SIPA1L3: variants seen among roughly 807,000 people sequenced by gnomAD.
The protein encoded by SIPA1L3 is signal-induced proliferation-associated 1-like protein 3.
SIPA1L3 carries 59 observed loss-of-function variants against 150.1 expected under a neutral mutation model. The ratio of observed to expected loss-of-function variants is 0.39; its 90% CI spans 0.32 to 0.49. The LOEUF (loss-of-function observed/expected upper bound fraction) is 0.49. Among genes scored for constraint, SIPA1L3 ranks in the 20% least tolerant of loss-of-function variants. The pLI, the probability that SIPA1L3 is intolerant of heterozygous loss-of-function variation, is 0.86. For missense variants in SIPA1L3, 2,211 were observed against 2,489.5 expected, an observed-to-expected ratio of 0.89 and a Z score of 2.38; for synonymous variants, 1,070 against 1,077.6, an observed-to-expected ratio of 0.99 and a Z score of 0.14.
At chr19:38,129,611 C>T (rs953135978) in intron 9 of SIPA1L3, among the ~76,000 whole-genome samples, 58 of 112,184 alleles carry the variant, frequency 5.2e-4, no homozygotes, top group African/African-American at 1.8e-3. Flanking sequence ...GGCGACAGAG[C>T]GAGACTCTGT....
intron 1 of SIPA1L3, among the ~76,000 whole-genome samples, chr19:38,020,110 A>G (rs1265725473): frequency 6.6e-6 from 1 of 152,072 alleles, no homozygotes; most frequent in Non-Finnish European, 1.5e-5. Flanking sequence ...CTATATATAA[A>G]TAAATAGAAT....
At chr19:38,101,278 A>C (rs1970497204) in intron 6 of SIPA1L3, 52 bp downstream of exon 6, 1 of 1,329,028 alleles carries the variant, frequency 7.5e-7, no homozygotes, top group Non-Finnish European at 9.9e-7. Flanking sequence ...ACTCCTACTC[A>C]ACAGGCAAAG....
chr19:38,009,194 C>T (rs1055880670), intron 1 of SIPA1L3, among the ~76,000 whole-genome samples: 1 of 151,846 alleles, frequency 6.6e-6, no homozygotes, highest in Non-Finnish European at 1.5e-5. Context: ...GCCACCATGC[C>T]CGGCTAATAG....
chr19:37,927,651 TG>T (rs775400516), intron 1 of SIPA1L3, among the ~76,000 whole-genome samples: 3 of 91,594 alleles, frequency 3.3e-5, no homozygotes, highest in Non-Finnish European at 6.3e-5. Context: ...AATAAGAACA[TG>T]GGGTGTGTGT....
intron 15 of SIPA1L3, among the ~76,000 whole-genome samples, chr19:38,177,197 C>T (rs1972454561): frequency 2.7e-5 from 4 of 150,942 alleles, no homozygotes; most frequent in Admixed American, 1.3e-4. Flanking sequence ...CCATCTCTAC[C>T]AAAAATAGAA....
chr19:38,189,920 G>T (rs914626494), intron 16 of SIPA1L3, among the ~76,000 whole-genome samples: 1 of 152,086 alleles, frequency 6.6e-6, no homozygotes, highest in African/African-American at 2.4e-5. Context: ...GTCGTATCTG[G>T]GATTGCCTCT....
At chr19:38,102,534 A>T (rs1970529242) in intron 6 of SIPA1L3, among the ~76,000 whole-genome samples, 1 of 140,780 alleles carries the variant, frequency 7.1e-6, no homozygotes. Context: ...AGGAAGGAGG[A>T]TTGCTTTAGG....
Position 38,193,675 on chromosome 19 carries a change from TTCCC to T in SIPA1L3, c.4736_4739del (p.Phe1579CysfsTer59). On this transcript the variant is annotated frameshift_variant, in exon 18 of 22. Transcript: ENST00000222345. LOFTEE classifies it high-confidence loss of function. ...CGTGCTCTTCACCAGCACCTGCGCC[TTCCC>T]GTCCAGCACGCTGCCTGCACGCCGC... is the stretch of plus-strand genomic sequence containing the variant. 1.9e-6 allele frequency: 3 copies of T among 1,578,898 alleles called. No individual in the cohort carries two copies. The highest frequency in any genetic ancestry group is 2.6e-6 in the Non-Finnish European group (3 of 1,170,324).
Position 38,082,938 on chromosome 19 carries a change from A to G in SIPA1L3, c.1373A>G (p.His458Arg), listed in dbSNP as rs1189163712. Residue 458 changes from histidine (H) to arginine (R), a missense_variant, in exon 3 of 22, where the codon CAC (histidine) becomes CGC (arginine). Physicochemically the swap from His to Arg is conservative, Grantham distance 29. Around this residue, in one of 5 missense-constraint regions of SIPA1L3, gnomAD observed 587 missense variants for 534.5 expected, o/e 1.10. Transcript: ENST00000222345. ...GGCTCCCCGAGCAGCGGCGAGGGCC[A>G]CCTGGCAGAGCCCGCCCTGAGCGCC... Reference protein sequence around the residue: ...SVGSPSSGEGHLAEPALSAYR... With the variant: ...SVGSPSSGEGRLAEPALSAYR... The G allele has an allele frequency of 1.7e-5, 28 of 1,612,940 alleles. No individual in the cohort carries two copies. The highest frequency in any genetic ancestry group is 2.4e-5 in the Non-Finnish European group (28 of 1,179,860).
intron 1 of SIPA1L3, among the ~76,000 whole-genome samples, chr19:37,972,293 T>A (rs935132864): frequency 2.0e-5 from 3 of 152,112 alleles, no homozygotes; most frequent in African/African-American, 7.2e-5. Flanking sequence ...TGTCTTAAAA[T>A]GTAGTTTTTG....
chr19:38,029,215 T>C (rs1208817143), intron 2 of SIPA1L3, 59 bp downstream of exon 2: 1 of 152,160 alleles, frequency 6.6e-6, no homozygotes, highest in Non-Finnish European at 1.5e-5. Flanking sequence ...ACATATTATT[T>C]TTTTTAAAAT....
intron 1 of SIPA1L3, among the ~76,000 whole-genome samples, chr19:37,950,726 G>A (rs1226328546): frequency 2.6e-5 from 4 of 152,198 alleles, no homozygotes; most frequent in Non-Finnish European, 5.9e-5. Context: ...CCTCCGCTGC[G>A]AGCCCTCCCA....
chr19:37,992,541 C>T (rs1568492379), intron 1 of SIPA1L3, among the ~76,000 whole-genome samples: 1 of 151,974 alleles, frequency 6.6e-6, no homozygotes, highest in Non-Finnish European at 1.5e-5. Flanking sequence ...ATCCCAGCTA[C>T]ATGGGAGGCT....
chr19:38,088,899 C>A (rs775950545), intron 4 of SIPA1L3, 48 bp downstream of exon 4: 7 of 1,596,666 alleles, frequency 4.4e-6, no homozygotes, highest in Admixed American at 1.7e-5. Flanking sequence ...TAGCCACTCA[C>A]ATCTCGAGCC....
At position 38,079,646 on chromosome 19, in the gene SIPA1L3, C is replaced by G. The variant is rs111701938; in HGVS notation, c.-310-1610C>G. Reference sequence around the variant, plus strand: ...ATCGTGGCTCATGCAATCTCAACCTCCCGGGTTCGAGTGATCCTTTTACCT... The same window carrying G: ...ATCGTGGCTCATGCAATCTCAACCTGCCGGGTTCGAGTGATCCTTTTACCT... On this transcript the variant is annotated intron_variant, in intron 2 of 21. Coordinates refer to ENST00000222345, the MANE Select transcript of SIPA1L3 (RefSeq NM_015073.3). Among the ~76,000 whole-genome samples the G allele has an allele frequency of 6.4e-3, 977 of 151,614 alleles. 11 individuals are homozygous for G. Among genetic ancestry groups the G allele is most frequent in the African/African-American group, 0.02 (825 of 41,278 alleles).
At chr19:37,950,788 C>T (rs879700705) in intron 1 of SIPA1L3, among the ~76,000 whole-genome samples, 3 of 152,248 alleles carry the variant, frequency 2.0e-5, no homozygotes, top group Non-Finnish European at 4.4e-5. Context: ...TTTCCTTCTT[C>T]TCTTGTGAAA....
At chr19:38,030,642 A>ATATATATATG (rs1467678918) in intron 2 of SIPA1L3, among the ~76,000 whole-genome samples, 1 of 75,326 alleles carries the variant, frequency 1.3e-5, no homozygotes, top group African/African-American at 3.9e-5. Flanking sequence ...ATATATATAT[A>ATATATATATG]TATATATATG....
intron 1 of SIPA1L3, among the ~76,000 whole-genome samples, chr19:37,977,448 G>A (rs957683009): frequency 2.6e-5 from 4 of 152,220 alleles, no homozygotes; most frequent in Non-Finnish European, 5.9e-5. Flanking sequence ...GGGATTACAG[G>A]CATGGGCCAC....
intron 1 of SIPA1L3, among the ~76,000 whole-genome samples, 187 bp from the exon 2 acceptor site, chr19:38,028,902 C>T (rs535216786): frequency 6.6e-6 from 1 of 152,242 alleles, no homozygotes; most frequent in South Asian, 2.1e-4. Flanking sequence ...CCATGTTGGC[C>T]AGGCTGGTCT....
Sources: gnomAD v4.1 joint callset for allele counts (sites outside exome capture counted in the v4.1 genomes callset) on GRCh38, gnomAD v4.1.1 for gene constraint, gnomAD v4.1.1 regional missense constraint, MANE v1.5 for transcripts, NCBI Gene and HGNC (gene_info 2026-07-23, HGNC 2026-07-21) for gene names.